Variants in CLDND1 observed in about 807,000 individuals in gnomAD.
CLDND1 encodes claudin domain-containing protein 1.
In CLDND1, 13 loss-of-function variants were observed where a neutral mutation model predicts 26.3. The ratio of observed to expected loss-of-function variants is 0.49; its 90% CI spans 0.32 to 0.78. The LOEUF (loss-of-function observed/expected upper bound fraction) is 0.78, where lower values mean the gene tolerates loss of function less well. CLDND1 is among the 30% of genes least tolerant of loss of function. The pLI is 0.03. For missense variants in CLDND1, 289 were observed against 312.8 expected (o/e 0.92, Z 0.57); for synonymous variants, 107 against 107.0 (o/e 1.00, Z 0.00).
intron 2 of CLDND1, 182 bp downstream of exon 2, chr3:98,520,951 G>C (rs895557520): frequency 9.0e-6 from 5 of 555,234 alleles, no homozygotes; most frequent in Non-Finnish European, 1.3e-5. Flanking sequence ...CAATATTGAT[G>C]AGTACCATGG....
chr3:98,519,017 GTTGTT>G (rs764050588), intron 2 of CLDND1, 22 bp from the exon 3 acceptor site: 135 of 1,323,172 alleles, frequency 1.0e-4, no homozygotes, highest in Non-Finnish European at 4.3e-6. Flanking sequence ...ACAATTGCCT[GTTGTT>G]TTAATTATAA....
At position 98,516,122 on chromosome 3, in the gene CLDND1, T is replaced by C. The variant is rs1706127569; in HGVS notation, c.*537A>G. On this transcript the variant is annotated 3_prime_UTR_variant, in exon 5 of 5. Coordinates refer to ENST00000341181, the MANE Select transcript of CLDND1 (RefSeq NM_001040181.2). Reference sequence around the variant, plus strand: ...AACAGCTGCCATATCTCACCTCAGATGAAGCTATGTGTCAATGCTTAGGGA... The same window carrying C: ...AACAGCTGCCATATCTCACCTCAGACGAAGCTATGTGTCAATGCTTAGGGA... 9.4e-7 allele frequency: 1 copy of C among 1,068,784 alleles called. No homozygotes were observed. The highest frequency in any genetic ancestry group is 7.6e-5 in the East Asian group (1 of 13,234). The allele number at this position is 1,068,784 out of a possible 1,614,324, so 66.2% of individuals were successfully genotyped here. A position where few individuals can be genotyped will look rare whatever the true frequency, so the allele number is the denominator to read the frequency against.
Position 98,521,190 on chromosome 3 carries a change from T to G in CLDND1, c.235A>C (p.Arg79=). ...TTTTTGGGTATGGTGATACACCGTCTCCACAATCCCACTGTGCCATTGTAT... is the reference window on the plus strand; with the variant it reads ...TTTTTGGGTATGGTGATACACCGTCGCCACAATCCCACTGTGCCATTGTAT... The part of the protein sequence containing the change: ...FRYNGTVGLW[R]RCITIPKNMH... Residue 79 remains arginine, a synonymous_variant, in exon 2 of 5, where the codon AGA becomes CGA. Coordinates refer to ENST00000341181, the MANE Select transcript of CLDND1 (RefSeq NM_001040181.2). The G allele has an allele frequency of 1.9e-6, 3 of 1,614,236 alleles. No individual in the cohort carries two copies.
chr3:98,518,077 A>G (rs1706230199), intron 3 of CLDND1, among the ~76,000 whole-genome samples: 1 of 152,200 alleles, frequency 6.6e-6, no homozygotes, highest in Non-Finnish European at 1.5e-5. Flanking sequence ...TGACCTCACA[A>G]AACATGCCAT....
In CLDND1 at chr3:98,516,856, T is replaced by C; in HGVS notation, c.565A>G (p.Ser189Gly). The C allele has an allele frequency of 1.9e-6, 3 of 1,614,108 alleles. No individual in the cohort carries two copies. Among genetic ancestry groups the C allele is most frequent in the Non-Finnish European group, 2.5e-6 (3 of 1,179,998 alleles). Residue 189 changes from serine to glycine, a missense_variant, in exon 5 of 5, where the codon AGT becomes GGT. Coordinates refer to ENST00000341181, the MANE Select transcript of CLDND1 (RefSeq NM_001040181.2). The part of the protein sequence containing the change: ...LAGLCTLGSV[S>G]CYVAGIELLH... ...AGTTCAATTCCAGCAACATAACAAC[T>C]TACTGAGCCCAGTGTACACAGACCT... is the stretch of plus-strand genomic sequence containing the variant.
intron 1 of CLDND1, chr3:98,521,785 A>T: frequency 8.4e-7 from 1 of 1,196,786 alleles, no homozygotes; most frequent in Non-Finnish European, 1.2e-6. Flanking sequence ...TGTACCGTGC[A>T]CACATTTTAA....
chr3:98,516,127 C>A lies in CLDND1; in HGVS notation c.*532G>T. On this transcript the variant is annotated 3_prime_UTR_variant, in exon 5 of 5. Coordinates refer to ENST00000341181, the MANE Select transcript of CLDND1 (RefSeq NM_001040181.2). ...CTGCCATATCTCACCTCAGATGAAG[C>A]TATGTGTCAATGCTTAGGGAAAATG... The A allele has an allele frequency of 9.4e-7, 1 of 1,065,976 alleles. No individual in the cohort carries two copies. Among genetic ancestry groups the A allele is most frequent in the South Asian group, 2.8e-5 (1 of 36,332 alleles). The allele number at this position is 1,065,976 out of a possible 1,614,324, so 66.0% of individuals were successfully genotyped here.
intron 1 of CLDND1, chr3:98,522,592 GC>G: frequency 7.3e-7 from 1 of 1,377,914 alleles, no homozygotes; most frequent in Non-Finnish European, 9.3e-7. Context: ...CCGGACGCCT[GC>G]AGCAGCCACC....
In CLDND1 at chr3:98,521,268, C is replaced by T; in HGVS notation, c.157G>A (p.Glu53Lys). 1 of 1,614,212 alleles carries T rather than the reference C, an allele frequency of 6.2e-7. No individual in the cohort carries two copies. Among genetic ancestry groups the T allele is most frequent in the Non-Finnish European group, 8.5e-7 (1 of 1,180,028 alleles). ...SSDLNKSIWDEFISDEADEKT... is the reference protein window; with the variant it reads ...SSDLNKSIWDKFISDEADEKT... Reference sequence around the variant, plus strand: ...TCATCTGCCTCATCACTAATGAATTCATCCCAGATGCTTTTATTCAAATCA... The same window carrying T: ...TCATCTGCCTCATCACTAATGAATTTATCCCAGATGCTTTTATTCAAATCA... The change falls in exon 2 of 5, where the codon GAA (glutamate) becomes AAA (lysine). Residue 53 changes from glutamate to lysine, a missense_variant. Physicochemically the swap from Glu to Lys is moderately conservative, Grantham distance 56. Transcript: ENST00000341181.
At chr3:98,519,721 C>A (rs73144151) in intron 2 of CLDND1, among the ~76,000 whole-genome samples, 1 of 152,004 alleles carries the variant, frequency 6.6e-6, no homozygotes, top group Non-Finnish European at 1.5e-5. Context: ...CCCAACTTCC[C>A]GTCTCTCCCT....
At chr3:98,517,491 C>T (rs1706194798) in intron 3 of CLDND1, 1 of 283,450 alleles carries the variant, frequency 3.5e-6, no homozygotes, top group Non-Finnish European at 6.6e-6. Context: ...ACAGTCAGCC[C>T]TCCATATCTG....
At chr3:98,522,521 A>C in intron 1 of CLDND1, 2 of 1,238,422 alleles carry the variant, frequency 1.6e-6, no homozygotes, top group Non-Finnish European at 2.0e-6. Flanking sequence ...TCCCCCCTTC[A>C]TCCTGGTGCT....
chr3:98,516,278 G>C lies in CLDND1; in HGVS notation c.*381C>G. ...TTTTGACGATGAGAGGTTTCCCAAA[G>C]AAACTAATATAGAGTTTTTAGTTGA... On this transcript the variant is annotated 3_prime_UTR_variant, in exon 5 of 5. Coordinates refer to ENST00000341181, the MANE Select transcript of CLDND1 (RefSeq NM_001040181.2). 9.7e-7 allele frequency: 1 copy of C among 1,028,690 alleles called. No individual in the cohort carries two copies. Among genetic ancestry groups the C allele is most frequent in the Non-Finnish European group, 1.2e-6 (1 of 856,804 alleles). 63.7% of individuals were successfully genotyped at this position (1,028,690 alleles called of 1,614,324 possible).
Position 98,516,350 on chromosome 3 carries a change from G to C in CLDND1, c.*309C>G. ...TTACTGAAAAGTCTAACAGACATTAGCACAACTTGTTTTCGGTCACATTCC... is the reference window on the plus strand; with the variant it reads ...TTACTGAAAAGTCTAACAGACATTACCACAACTTGTTTTCGGTCACATTCC... On this transcript the variant is annotated 3_prime_UTR_variant, in exon 5 of 5. Coordinates refer to ENST00000341181, the MANE Select transcript of CLDND1 (RefSeq NM_001040181.2). 1 of 1,114,856 alleles carries C rather than the reference G, an allele frequency of 9.0e-7. No individual in the cohort carries two copies. Among genetic ancestry groups the C allele is most frequent in the Non-Finnish European group, 1.1e-6 (1 of 911,886 alleles). The allele number at this position is 1,114,856 out of a possible 1,614,324, so 69.1% of individuals were successfully genotyped here.
Position 98,516,355 on chromosome 3 carries a change from A to G in CLDND1, c.*304T>C. The G allele has an allele frequency of 7.1e-6, 8 of 1,122,282 alleles. No homozygotes were observed. Among genetic ancestry groups the G allele is most frequent in the Non-Finnish European group, 8.7e-6 (8 of 916,884 alleles). The allele number at this position is 1,122,282 out of a possible 1,614,324, so 69.5% of individuals were successfully genotyped here. ...GAAAAGTCTAACAGACATTAGCACA[A>G]CTTGTTTTCGGTCACATTCCTACTC... On this transcript the variant is annotated 3_prime_UTR_variant, in exon 5 of 5. Transcript: ENST00000341181.
chr3:98,516,855 C>T lies in CLDND1; in HGVS notation c.566G>A (p.Ser189Asn). ...LAGLCTLGSV[S>N]CYVAGIELLH... ...TAGTTCAATTCCAGCAACATAACAA[C>T]TTACTGAGCCCAGTGTACACAGACC... The change falls in exon 5 of 5, where the codon AGT (serine) becomes AAT (asparagine). Residue 189 changes from serine (S) to asparagine (N), a missense_variant. Transcript: ENST00000341181. 1 of 1,614,152 alleles carries T rather than the reference C, an allele frequency of 6.2e-7. No homozygotes were observed. The highest frequency in any genetic ancestry group is 8.5e-7 in the Non-Finnish European group (1 of 1,180,008).
At position 98,516,569 on chromosome 3, in the gene CLDND1, T is replaced by C; in HGVS notation, c.*90A>G. On this transcript the variant is annotated 3_prime_UTR_variant, in exon 5 of 5. Coordinates refer to ENST00000341181, the MANE Select transcript of CLDND1 (RefSeq NM_001040181.2). ...CATAATAAAATGGTATATCCACAAA[T>C]AAAAATTAAAAACAATTGAGAGGTG... 2.0e-5 allele frequency: 29 copies of C among 1,460,190 alleles called. No individual in the cohort carries two copies. Among genetic ancestry groups the C allele is most frequent in the Non-Finnish European group, 2.6e-5 (29 of 1,102,396 alleles). The allele number at this position is 1,460,190 out of a possible 1,614,324, so 90.5% of individuals were successfully genotyped here.
chr3:98,520,520 G>A (rs979173024), intron 2 of CLDND1, among the ~76,000 whole-genome samples: 1 of 151,338 alleles, frequency 6.6e-6, no homozygotes, highest in African/African-American at 2.4e-5. Flanking sequence ...AAATCTTTAA[G>A]TGTTAAATAA....
chr3:98,519,497 C>T (rs1706307776), intron 2 of CLDND1, among the ~76,000 whole-genome samples: 1 of 152,196 alleles, frequency 6.6e-6, no homozygotes, highest in East Asian at 1.9e-4. Flanking sequence ...TGGTGTGAGT[C>T]ATAATCATCA....
Sources: gnomAD v4.1 joint callset for allele counts (sites outside exome capture counted in the v4.1 genomes callset) on GRCh38, gnomAD v4.1.1 for gene constraint, MANE v1.5 for transcripts, NCBI Gene and HGNC (gene_info 2026-07-23, HGNC 2026-07-21) for gene names.